Variants in KCNQ1 observed in about 807,000 individuals in gnomAD.
The protein encoded by KCNQ1 is potassium voltage-gated channel subfamily Q member 1, also known as potassium voltage-gated channel subfamily KQT member 1.
In KCNQ1, 49 loss-of-function variants were observed where a neutral mutation model predicts 72.4. The observed-to-expected ratio is 0.68, with a 90% CI of 0.54 to 0.86. KCNQ1 has a LOEUF of 0.86. Among genes scored for constraint, KCNQ1 ranks in the 40% least tolerant of loss-of-function variants. KCNQ1 has a pLI of 0.00. For missense variants in KCNQ1, 790 were observed against 945.1 expected (o/e 0.84, Z 2.15); for synonymous variants, 450 against 412.6 (o/e 1.09, Z -1.10).
intron 10 of KCNQ1, chr11:2,633,864 C>G: frequency 2.5e-6 from 1 of 398,572 alleles, no homozygotes; most frequent in Non-Finnish European, 4.4e-6. Flanking sequence ...TGCGCATATA[C>G]AAAATGTCAG....
In KCNQ1 at chr11:2,818,802, C is replaced by T. The variant is rs1264856112; in HGVS notation, c.1795-28965C>T. The stretch of plus-strand genomic sequence containing the variant: ...GCCAGCACAGCCCCCACCACACACT[C>T]CCCAACAGGTGTCTCCACAACTGCC... On this transcript the variant is annotated intron_variant, in intron 15 of 15. Transcript: ENST00000155840. The surrounding 1 kb of genome is among the most constrained non-coding windows in gnomAD (Gnocchi z 7.2). 1.3e-5 allele frequency among the ~76,000 whole-genome samples: 2 copies of T among 152,084 alleles called. No individual in the cohort carries two copies. The highest frequency in any genetic ancestry group is 2.9e-5 in the Non-Finnish European group (2 of 68,006).
rs570329370 is a variant in KCNQ1 at position 2,652,173 on chromosome 11, G to GC, written c.1394-9784dup. ...CGCGCCCTCGGGGCCTGGGGGTGGG[G>GC]CCCCAGCAGATGTCTGGATTTGGTA... On this transcript the variant is annotated intron_variant, in intron 10 of 15. Coordinates refer to ENST00000155840, the MANE Select transcript of KCNQ1 (RefSeq NM_000218.3). This position sits in a 1 kb window ranked among gnomAD's most constrained non-coding sequence, Gnocchi z 5.9. The GC allele has an allele frequency of 2.3e-3, 918 of 398,640 alleles. 2 individuals are homozygous for GC. Among genetic ancestry groups the GC allele is most frequent in the Non-Finnish European group, 3.6e-3 (815 of 226,112 alleles). The allele number at this position is 398,640 out of a possible 1,614,324, so 24.7% of individuals were successfully genotyped here.
chr11:2,616,894 G>A (rs1035141976), intron 10 of KCNQ1: 1 of 397,864 alleles, frequency 2.5e-6, no homozygotes, highest in African/African-American at 2.1e-5. Flanking sequence ...GGTCTAGTTG[G>A]TTTATGGTAT....
chr11:2,847,854 G>A lies in KCNQ1; in HGVS notation c.1882G>A (p.Gly628Ser), dbSNP rs745990205. 43 of 1,573,578 alleles carry A rather than the reference G, an allele frequency of 2.7e-5. No homozygotes were observed. The highest frequency in any genetic ancestry group is 4.0e-5 in the African/African-American group (3 of 74,094). ...GCACGGTGGCAGCACCCCCGGCAGC[G>A]GCGGCCCCCCCAGAGAGGGCGGGGC... ...SLHGGSTPGS[G>S]GPPREGGAHI... Residue 628 changes from glycine to serine, a missense_variant, in exon 16 of 16, where the codon GGC becomes AGC. Gly to Ser is a moderately conservative substitution (Grantham distance 56). This residue lies in a region of KCNQ1 where 94 missense variants were observed against 85.2 expected (regional missense o/e 1.10). Coordinates refer to ENST00000155840, the MANE Select transcript of KCNQ1 (RefSeq NM_000218.3).
rs573357526 is a variant in KCNQ1, at chr11:2,550,853, G to A, written c.478-19775G>A. 1.6e-3 allele frequency among the ~76,000 whole-genome samples: 248 copies of A among 152,112 alleles called. No individual in the cohort carries two copies. The highest frequency in any genetic ancestry group is 3.4e-3 in the Middle Eastern group (1 of 294). On this transcript the variant is annotated intron_variant, in intron 2 of 15. Coordinates refer to ENST00000155840, the MANE Select transcript of KCNQ1 (RefSeq NM_000218.3). This position sits in a 1 kb window ranked among gnomAD's most constrained non-coding sequence, Gnocchi z 6.0. ...CTCCCCGGGGGCCCAGATGGCAGGCGAGGGGTGCCTGGGGAGGCTGCCAAG... is the reference window on the plus strand; with the variant it reads ...CTCCCCGGGGGCCCAGATGGCAGGCAAGGGGTGCCTGGGGAGGCTGCCAAG...
In KCNQ1 at chr11:2,520,658, G is replaced by A. The variant is rs183520699; in HGVS notation, c.387-7270G>A. ...CTCTGAGCTCAGCAGCCCTGGAGCC[G>A]GCAGCCACATCAGGGATGGAGGGAG... On this transcript the variant is annotated intron_variant, in intron 1 of 15. Coordinates refer to ENST00000155840, the MANE Select transcript of KCNQ1 (RefSeq NM_000218.3). Among the ~76,000 whole-genome samples, 1,001 of 152,272 alleles carry A rather than the reference G, an allele frequency of 6.6e-3. 6 individuals carry two copies. The highest frequency in any genetic ancestry group is 0.034 in the Middle Eastern group (10 of 294).
intron 10 of KCNQ1, chr11:2,618,307 C>T: frequency 2.5e-6 from 1 of 398,372 alleles, no homozygotes; most frequent in Non-Finnish European, 4.4e-6. Flanking sequence ...AGCTGATGGG[C>T]TAAAAAAATG....
rs1850216489 is a variant in KCNQ1, at chr11:2,673,126, G to C, written c.1514+11045G>C. ...CAGGAGACCCCAGCAGGCAGCATCA[G>C]GGCAGGGGTGCTGACCATCCCTGAC... On this transcript the variant is annotated intron_variant, in intron 11 of 15. Coordinates refer to ENST00000155840, the MANE Select transcript of KCNQ1 (RefSeq NM_000218.3). The surrounding 1 kb of genome is among the most constrained non-coding windows in gnomAD (Gnocchi z 4.5). 5.0e-6 allele frequency: 2 copies of C among 398,860 alleles called. No homozygotes were observed. Among genetic ancestry groups the C allele is most frequent in the Admixed American group, 8.8e-5 (2 of 22,740 alleles). The allele number at this position is 398,860 out of a possible 1,614,324, so 24.7% of individuals were successfully genotyped here.
Position 2,617,067 on chromosome 11 carries a change from A to G in KCNQ1, c.1393+28213A>G, listed in dbSNP as rs1156724616. 5.0e-6 allele frequency: 2 copies of G among 398,184 alleles called. No individual in the cohort carries two copies. The highest frequency in any genetic ancestry group is 8.8e-5 in the Admixed American group (2 of 22,694). The allele number at this position is 398,184 out of a possible 1,614,324, so 24.7% of individuals were successfully genotyped here. On this transcript the variant is annotated intron_variant, in intron 10 of 15. Transcript: ENST00000155840. The surrounding 1 kb of genome is among the most constrained non-coding windows in gnomAD (Gnocchi z 4.6). ...TTAATATGTCCATCATCTCACAGTT[A>G]TTCTTTTGTGTGTATGAGTGAGAAA...
chr11:2,605,138 A>C (rs1342674663), intron 10 of KCNQ1, among the ~76,000 whole-genome samples: 1 of 152,090 alleles, frequency 6.6e-6, no homozygotes, highest in Non-Finnish European at 1.5e-5. Context: ...AAGTTGGGAT[A>C]TTTGTCTTTT....
At chr11:2,640,717 A>C (rs1849561383) in intron 10 of KCNQ1, 1 of 398,310 alleles carries the variant, frequency 2.5e-6, no homozygotes, top group Non-Finnish European at 4.4e-6. Context: ...TTTTATTTTG[A>C]AATATACATT....
rs190260440 is a variant in KCNQ1, at chr11:2,782,270, G to A, written c.1794+4233G>A. On this transcript the variant is annotated intron_variant, in intron 15 of 15. Transcript: ENST00000155840. This position sits in a 1 kb window ranked among gnomAD's most constrained non-coding sequence, Gnocchi z 6.1. Reference sequence around the variant, plus strand: ...TTTTCCAGCCATATATGCGGTCTCCGGCCTCTCCTCACACCCACCAATCCT... The same window carrying A: ...TTTTCCAGCCATATATGCGGTCTCCAGCCTCTCCTCACACCCACCAATCCT... Among the ~76,000 whole-genome samples, 57 of 152,134 alleles carry A rather than the reference G, an allele frequency of 3.7e-4. 1 individual carries two copies. In the Middle Eastern group the frequency reaches 0.01, roughly 27 times the overall value.
chr11:2,744,660 C>A (rs1405661369), intron 11 of KCNQ1, among the ~76,000 whole-genome samples: 1 of 152,178 alleles, frequency 6.6e-6, no homozygotes, highest in East Asian at 1.9e-4. Flanking sequence ...ATGTGAACTG[C>A]GTCCTTCTTT....
intron 15 of KCNQ1, 32 bp from the exon 16 acceptor site, chr11:2,847,735 A>G: frequency 1.3e-6 from 2 of 1,560,430 alleles, no homozygotes; most frequent in Non-Finnish European, 8.7e-7. Context: ...GCTTCCCACC[A>G]CTGACTCTCT....
At chr11:2,792,733 C>T (rs1349696680) in intron 15 of KCNQ1, among the ~76,000 whole-genome samples, 2 of 152,214 alleles carry the variant, frequency 1.3e-5, no homozygotes, top group African/African-American at 4.8e-5. Context: ...GGGCGCAGAC[C>T]ACCCTGTGAG....
rs765568849 is a variant in KCNQ1, at chr11:2,451,392, G to A, written c.386+5908G>A. 2.6e-5 allele frequency among the ~76,000 whole-genome samples: 4 copies of A among 152,192 alleles called. No homozygotes were observed. Among genetic ancestry groups the A allele is most frequent in the Admixed American group, 6.5e-5 (1 of 15,276 alleles). On this transcript the variant is annotated intron_variant, in intron 1 of 15. Transcript: ENST00000155840. This position sits in a 1 kb window ranked among gnomAD's most constrained non-coding sequence, Gnocchi z 6.4. ...AGGTGGCCGTGCACATTCACCTGAC[G>A]CTCACTCACTGCTGTGCGGCCTGCT...
At chr11:2,609,746 G>T (rs1406095726) in intron 10 of KCNQ1, 2 of 398,206 alleles carry the variant, frequency 5.0e-6, no homozygotes, top group Non-Finnish European at 8.9e-6. Flanking sequence ...ATCTTCTCAT[G>T]AATTGACATT....
In KCNQ1 at chr11:2,654,859, G is replaced by C; in HGVS notation, c.1394-7102G>C. 2.5e-6 allele frequency: 1 copy of C among 398,658 alleles called. No homozygotes were observed. The highest frequency in any genetic ancestry group is 4.4e-6 in the Non-Finnish European group (1 of 226,106). 24.7% of individuals were successfully genotyped at this position (398,658 alleles called of 1,614,324 possible). A position where few individuals can be genotyped will look rare whatever the true frequency, so the allele number is the denominator to read the frequency against. On this transcript the variant is annotated intron_variant, in intron 10 of 15. Transcript: ENST00000155840. This position sits in a 1 kb window ranked among gnomAD's most constrained non-coding sequence, Gnocchi z 6.4. ...TAGCCTCATGGGCAGCTCCAGGCCA[G>C]GTGGAGGGACATATTCTGGCAACTC...
intron 15 of KCNQ1, among the ~76,000 whole-genome samples, chr11:2,823,377 A>C (rs901799829): frequency 6.6e-6 from 1 of 152,242 alleles, no homozygotes; most frequent in Non-Finnish European, 1.5e-5. Context: ...AAGAACTTAT[A>C]AAATTTTTCC....
Sources: gnomAD v4.1 joint callset for allele counts (sites outside exome capture counted in the v4.1 genomes callset) on GRCh38, gnomAD v4.1.1 for gene constraint, gnomAD v4.1.1 regional missense constraint, Gnocchi (gnomAD v3.1) non-coding constraint, MANE v1.5 for transcripts, NCBI Gene and HGNC (gene_info 2026-07-23, HGNC 2026-07-21) for gene names.